CHN2: variants seen among roughly 807,000 people sequenced by gnomAD.
CHN2 encodes chimerin 2.
In CHN2, 35 loss-of-function variants were observed where a neutral mutation model predicts 56.3. The observed-to-expected ratio is 0.62, with a 90% CI of 0.47 to 0.82. The LOEUF (loss-of-function observed/expected upper bound fraction) is 0.82. Among genes scored for constraint, CHN2 ranks in the 40% least tolerant of loss-of-function variants. The pLI, the probability that CHN2 is intolerant of heterozygous loss-of-function variation, is 0.00. For missense variants in CHN2, 491 were observed against 580.5 expected, an observed-to-expected ratio of 0.85 and a Z score of 1.58; for synonymous variants, 210 against 212.8, an observed-to-expected ratio of 0.99 and a Z score of 0.12.
intron 3 of CHN2, among the ~76,000 whole-genome samples, chr7:29,379,317 A>C (rs1293061787): frequency 1.3e-5 from 2 of 152,214 alleles, no homozygotes; most frequent in Non-Finnish European, 2.9e-5. Context: ...GCAGGAAGTT[A>C]AAGGGGTGCG....
intron 7 of CHN2, among the ~76,000 whole-genome samples, chr7:29,486,459 G>T (rs575927453): frequency 1.3e-5 from 2 of 152,086 alleles, no homozygotes; most frequent in Non-Finnish European, 2.9e-5. Flanking sequence ...AGGATGTGTC[G>T]GGCCAGCTCT....
At chr7:29,504,677 T>G in intron 9 of CHN2, 67 bp from the exon 10 acceptor site, 3 of 1,056,386 alleles carry the variant, frequency 2.8e-6, no homozygotes, top group Non-Finnish European at 4.2e-6. Flanking sequence ...AGACGTGAAA[T>G]TAGTCTTTTT....
intron 1 of CHN2, among the ~76,000 whole-genome samples, chr7:29,196,671 T>C (rs7784530): frequency 0.027 from 4,172 of 152,322 alleles, 197 homozygotes; most frequent in African/African-American, 0.09. Context: ...CATGATTTAC[T>C]GGTGGCATGA....
intron 2 of CHN2, among the ~76,000 whole-genome samples, chr7:29,365,820 G>A (rs950383331): frequency 1.3e-5 from 2 of 152,310 alleles, no homozygotes; most frequent in South Asian, 4.1e-4. Context: ...GAGTGACATG[G>A]TCTGATTGAT....
intron 2 of CHN2, among the ~76,000 whole-genome samples, chr7:29,165,438 G>A (rs544320101): frequency 4.6e-5 from 7 of 152,116 alleles, no homozygotes; most frequent in African/African-American, 1.7e-4. Flanking sequence ...AGGTTTCTTA[G>A]ATTTTTTTTA....
chr7:29,374,099 A>G (rs1436960343), intron 3 of CHN2, among the ~76,000 whole-genome samples: 4 of 152,198 alleles, frequency 2.6e-5, no homozygotes, highest in Non-Finnish European at 5.9e-5. Context: ...TCCCTTGCAG[A>G]AAAACTATTC....
At chr7:29,424,974 C>T (rs903547382) in intron 6 of CHN2, among the ~76,000 whole-genome samples, 3 of 152,232 alleles carry the variant, frequency 2.0e-5, no homozygotes, top group Non-Finnish European at 4.4e-5. Context: ...ATTTACCTGA[C>T]CAAGCTTTGG....
At chr7:29,409,950 A>G (rs767135266) in intron 6 of CHN2, among the ~76,000 whole-genome samples, 7 of 152,138 alleles carry the variant, frequency 4.6e-5, no homozygotes, top group Admixed American at 6.5e-5. Context: ...CTGTACACCT[A>G]TGGGGACTGG....
rs116767707 is a variant in CHN2 at position 29,480,652 on chromosome 7, A to T, written c.654+296A>T. Among the ~76,000 whole-genome samples the T allele has an allele frequency of 3.3e-3, 505 of 152,344 alleles. 1 individual carries two copies. The highest frequency in any genetic ancestry group is 0.011 in the African/African-American group (465 of 41,570). ...ATGTCCAGTGAAATAAACACAGAGC[A>T]TGCCCAGTCTCTCTCAGTCAGAGAT... On this transcript the variant is annotated intron_variant, in intron 7 of 12. Transcript: ENST00000222792.
chr7:29,495,578 C>A (rs985002890), intron 7 of CHN2, among the ~76,000 whole-genome samples: 1 of 152,040 alleles, frequency 6.6e-6, no homozygotes, highest in Admixed American at 6.6e-5. Flanking sequence ...CAAAAGGACA[C>A]AGTAATTGAG....
intron 6 of CHN2, among the ~76,000 whole-genome samples, chr7:29,463,352 A>G (rs1416666164): frequency 1.3e-5 from 2 of 152,170 alleles, no homozygotes; most frequent in African/African-American, 4.8e-5. Flanking sequence ...TAAGGAAACC[A>G]GGGCAAAGCA....
intron 2 of CHN2, among the ~76,000 whole-genome samples, chr7:29,172,182 C>T (rs148905168): frequency 7.2e-5 from 11 of 152,240 alleles, no homozygotes; most frequent in African/African-American, 2.6e-4. Flanking sequence ...ATGATTCAGT[C>T]CTTTAATGGG....
intron 1 of CHN2, among the ~76,000 whole-genome samples, chr7:29,219,850 C>T (rs1281493938): frequency 3.3e-5 from 5 of 151,972 alleles, no homozygotes; most frequent in African/African-American, 7.3e-5. Flanking sequence ...GCGAGGTGGG[C>T]GGATCACCAC....
At chr7:29,217,295 A>C (rs909031290) in intron 1 of CHN2, among the ~76,000 whole-genome samples, 5 of 152,216 alleles carry the variant, frequency 3.3e-5, no homozygotes, top group Admixed American at 6.5e-5. Context: ...CAACACAGTA[A>C]TTATGTAAGA....
chr7:29,345,522 A>C (rs1042464780), intron 1 of CHN2, among the ~76,000 whole-genome samples: 31 of 152,034 alleles, frequency 2.0e-4, no homozygotes, highest in Non-Finnish European at 3.4e-4. Context: ...TGACATCCCT[A>C]AGACTGGTAT....
In CHN2 at chr7:29,512,841, G is replaced by T; in HGVS notation, c.*106G>T. 1 of 1,281,298 alleles carries T rather than the reference G, an allele frequency of 7.8e-7. No homozygotes were observed. Among genetic ancestry groups the T allele is most frequent in the East Asian group, 2.5e-5 (1 of 40,514 alleles). 79.4% of individuals were successfully genotyped at this position (1,281,298 alleles called of 1,614,324 possible). A position where few individuals can be genotyped will look rare whatever the true frequency, so the allele number is the denominator to read the frequency against. On this transcript the variant is annotated 3_prime_UTR_variant, in exon 13 of 13. Transcript: ENST00000222792. ...TGATTTGTTTTCCAAGCAAGTGCTAGAATTTCCTGGACTGCAGAGGATCGC... is the reference window on the plus strand; with the variant it reads ...TGATTTGTTTTCCAAGCAAGTGCTATAATTTCCTGGACTGCAGAGGATCGC...
intron 1 of CHN2, among the ~76,000 whole-genome samples, chr7:29,303,413 G>A (rs1275110305): frequency 6.6e-6 from 1 of 152,194 alleles, no homozygotes; most frequent in African/African-American, 2.4e-5. Context: ...ACACCAAGCA[G>A]ACGTATCCAC....
At chr7:29,214,888 C>G (rs1374593898) in intron 1 of CHN2, among the ~76,000 whole-genome samples, 1 of 152,086 alleles carries the variant, frequency 6.6e-6, no homozygotes, top group Admixed American at 6.5e-5. Flanking sequence ...TGCCAGCCAC[C>G]ATGCTTGGCT....
chr7:29,346,238 A>T (rs1304371162), intron 1 of CHN2, among the ~76,000 whole-genome samples: 2 of 152,178 alleles, frequency 1.3e-5, no homozygotes, highest in African/African-American at 4.8e-5. Flanking sequence ...GTCCATGAGG[A>T]CGTGCTGCTG....
Sources: gnomAD v4.1 joint callset for allele counts (sites outside exome capture counted in the v4.1 genomes callset) on GRCh38, gnomAD v4.1.1 for gene constraint, MANE v1.5 for transcripts, NCBI Gene and HGNC (gene_info 2026-07-23, HGNC 2026-07-21) for gene names.